The following NDUFAF2 variants were observed in gnomAD, a reference collection of about 807,000 sequenced individuals.
NDUFAF2 encodes NADH dehydrogenase [ubiquinone] 1 alpha subcomplex assembly factor 2.
Under a neutral mutation model 22.8 loss-of-function variants are expected in NDUFAF2, and 13 were observed. The observed-to-expected ratio is 0.57, with a 90% CI of 0.37 to 0.91. The LOEUF is 0.91. Ranked by LOEUF, NDUFAF2 falls within the 40% of genes least tolerant of loss-of-function variation. The pLI, the probability that NDUFAF2 is intolerant of heterozygous loss-of-function variation, is 0.01. For missense variants in NDUFAF2, 162 were observed against 195.2 expected (o/e 0.83, Z 1.01); for synonymous variants, 53 against 64.2 (o/e 0.83, Z 0.84).
intron 1 of NDUFAF2, among the ~76,000 whole-genome samples, chr5:60,974,216 T>C (rs1355298896): frequency 6.6e-6 from 1 of 152,204 alleles, no homozygotes; most frequent in African/African-American, 2.4e-5. Flanking sequence ...TTGCTGAGTC[T>C]TCCAGGCTTC....
At chr5:61,152,058 T>A (rs2111837852) in intron 3 of NDUFAF2, among the ~76,000 whole-genome samples, 1 of 152,304 alleles carries the variant, frequency 6.6e-6, no homozygotes, top group South Asian at 2.1e-4. Context: ...TAGATAGAAT[T>A]CTGAGGAACA....
At chr5:61,008,604 T>C (rs1336483237) in intron 1 of NDUFAF2, among the ~76,000 whole-genome samples, 1 of 152,116 alleles carries the variant, frequency 6.6e-6, no homozygotes, top group East Asian at 1.9e-4. Context: ...TCTTGATGCA[T>C]TGTGAGTAGT....
intron 3 of NDUFAF2, among the ~76,000 whole-genome samples, chr5:61,134,994 G>A (rs1212808408): frequency 6.6e-6 from 1 of 151,366 alleles, no homozygotes; most frequent in East Asian, 1.9e-4. Flanking sequence ...AGTAATATTG[G>A]CATTTTTATT....
intron 1 of NDUFAF2, among the ~76,000 whole-genome samples, chr5:61,061,929 C>T (rs1231065428): frequency 6.6e-6 from 1 of 152,164 alleles, no homozygotes; most frequent in Admixed American, 6.5e-5. Flanking sequence ...CAGGGAGGCA[C>T]CTGAAGTTAT....
At chr5:61,101,514 G>A (rs375961466) in intron 3 of NDUFAF2, among the ~76,000 whole-genome samples, 72 of 152,170 alleles carry the variant, frequency 4.7e-4, no homozygotes, top group African/African-American at 1.7e-3. Context: ...TACAGAATTT[G>A]CCACAGTCTA....
intron 1 of NDUFAF2, among the ~76,000 whole-genome samples, chr5:61,041,495 A>G (rs1458168231): frequency 6.6e-6 from 1 of 152,152 alleles, no homozygotes; most frequent in East Asian, 1.9e-4. Context: ...AGAGAGACTT[A>G]GTCTTAGAGA....
At chr5:60,979,744 C>A (rs981728766) in intron 1 of NDUFAF2, among the ~76,000 whole-genome samples, 3 of 152,158 alleles carry the variant, frequency 2.0e-5, no homozygotes, top group African/African-American at 7.2e-5. Flanking sequence ...CAACTTGCTC[C>A]CCTGAAGCAA....
chr5:60,969,803 CA>C (rs1174691375), intron 1 of NDUFAF2, among the ~76,000 whole-genome samples: 1 of 152,052 alleles, frequency 6.6e-6, no homozygotes, highest in African/African-American at 2.4e-5. Flanking sequence ...TTTCCAAGAC[CA>C]ATGTCCTGGA....
At chr5:60,995,301 T>G (rs1037007430) in intron 1 of NDUFAF2, among the ~76,000 whole-genome samples, 1 of 152,194 alleles carries the variant, frequency 6.6e-6, no homozygotes, top group African/African-American at 2.4e-5. Flanking sequence ...CATCACTGTT[T>G]AGACTTACTT....
intron 3 of NDUFAF2, among the ~76,000 whole-genome samples, chr5:61,121,312 G>C: frequency 6.6e-6 from 1 of 152,008 alleles, no homozygotes; most frequent in East Asian, 1.9e-4. Context: ...TTATTTACCA[G>C]TATTCTAAAA....
chr5:61,021,293 G>A (rs193034225), intron 1 of NDUFAF2, among the ~76,000 whole-genome samples: 119 of 152,068 alleles, frequency 7.8e-4, no homozygotes, highest in African/African-American at 2.7e-3. Flanking sequence ...CCCTGTTCTA[G>A]CTTCTAGAGC....
intron 1 of NDUFAF2, among the ~76,000 whole-genome samples, chr5:60,947,755 G>C (rs1750481668): frequency 8.3e-6 from 1 of 120,030 alleles, no homozygotes; most frequent in Non-Finnish European, 1.7e-5. Context: ...GACAGAGTGA[G>C]ACTCCACCTC....
Position 61,152,931 on chromosome 5 carries a change from A to G in NDUFAF2, c.486A>G (p.Arg162=). 6.2e-7 allele frequency: 1 copy of G among 1,613,928 alleles called. No homozygotes were observed. The highest frequency in any genetic ancestry group is 8.5e-7 in the Non-Finnish European group (1 of 1,179,880). ...KTFQPGSWMP[R]DGKSHNQ ...TTCAGCCAGGATCCTGGATGCCACGAGATGGCAAGAGCCACAATCAATGAA... is the reference window on the plus strand; with the variant it reads ...TTCAGCCAGGATCCTGGATGCCACGGGATGGCAAGAGCCACAATCAATGAA... The change falls in exon 4 of 4, where the codon CGA becomes CGG. Residue 162 remains arginine, a synonymous_variant. Coordinates refer to ENST00000296597, the MANE Select transcript of NDUFAF2 (RefSeq NM_174889.5).
At chr5:61,073,689 G>T (rs1287204714) in intron 2 of NDUFAF2, among the ~76,000 whole-genome samples, 1 of 152,104 alleles carries the variant, frequency 6.6e-6, no homozygotes, top group Non-Finnish European at 1.5e-5. Context: ...TATGATAACT[G>T]ACTGCCTGTT....
At chr5:61,083,445 T>A (rs1256387334) in intron 2 of NDUFAF2, 1 of 152,208 alleles carries the variant, frequency 6.6e-6, no homozygotes, top group Admixed American at 6.5e-5. Flanking sequence ...AAACTCTGCC[T>A]CCTGGGTTCA....
intron 1 of NDUFAF2, among the ~76,000 whole-genome samples, chr5:60,991,354 A>G (rs1217270577): frequency 6.6e-6 from 1 of 152,070 alleles, no homozygotes; most frequent in African/African-American, 2.4e-5. Context: ...GTTATTTAAA[A>G]ATTATTATTG....
At chr5:60,964,539 G>T (rs909372336) in intron 1 of NDUFAF2, among the ~76,000 whole-genome samples, 1 of 150,976 alleles carries the variant, frequency 6.6e-6, no homozygotes, top group African/African-American at 2.4e-5. Flanking sequence ...CAACCTCTGC[G>T]TCCCAGGTTC....
At chr5:61,090,479 G>A (rs1476091283) in intron 2 of NDUFAF2, among the ~76,000 whole-genome samples, 1 of 151,960 alleles carries the variant, frequency 6.6e-6, no homozygotes, top group Non-Finnish European at 1.5e-5. Context: ...AAAAGTGGTA[G>A]GCTAAACTTG....
At chr5:61,126,238 C>T (rs1294142371) in intron 3 of NDUFAF2, among the ~76,000 whole-genome samples, 1 of 151,928 alleles carries the variant, frequency 6.6e-6, no homozygotes, top group Non-Finnish European at 1.5e-5. Flanking sequence ...CTGATTTGCA[C>T]AACTGGATAT....
Sources: gnomAD v4.1 joint callset for allele counts (sites outside exome capture counted in the v4.1 genomes callset) on GRCh38, gnomAD v4.1.1 for gene constraint, MANE v1.5 for transcripts, NCBI Gene and HGNC (gene_info 2026-07-23, HGNC 2026-07-21) for gene names.